UBE2J2: variants seen among roughly 807,000 people sequenced by gnomAD.
The protein encoded by UBE2J2 is ubiquitin-conjugating enzyme E2 J2.
In UBE2J2, 5 loss-of-function variants were observed where a neutral mutation model predicts 28.6. The observed-to-expected ratio is 0.17, with a 90% CI of 0.09 to 0.37. The LOEUF is 0.37. Among genes scored for constraint, UBE2J2 ranks in the 10% least tolerant of loss-of-function variants. The pLI, the probability that UBE2J2 is intolerant of heterozygous loss-of-function variation, is 1.00. For synonymous variants in UBE2J2, 138 were observed against 139.7 expected, an observed-to-expected ratio of 0.99 and a Z score of 0.09; for missense variants, 226 against 338.9, an observed-to-expected ratio of 0.67 and a Z score of 2.62.
In UBE2J2 at chr1:1,263,361, T is replaced by C. The variant is rs1306857293; in HGVS notation, c.157A>G (p.Met53Val). The stretch of plus-strand genomic sequence containing the variant: ...GAATCCTTACCTTCATAAGGGGTCA[T>C]CTCTGGGCCTCGGACGACATAGTGC... ...EWHYVVRGPE[M>V]TPYEGGYYHG... Residue 53 changes from methionine to valine, a missense_variant, in exon 3 of 7, where the codon ATG becomes GTG. By Grantham distance (21) the Met-to-Val change is conservative. Transcript: ENST00000349431. The C allele has an allele frequency of 3.1e-6, 5 of 1,613,464 alleles. No homozygotes were observed. The highest frequency in any genetic ancestry group is 2.7e-5 in the African/African-American group (2 of 74,914).
chr1:1,270,659 T>C (rs1269982568), intron 1 of UBE2J2, among the ~76,000 whole-genome samples: 1 of 152,102 alleles, frequency 6.6e-6, no homozygotes, highest in East Asian at 1.9e-4. Flanking sequence ...AGGTCTGAGC[T>C]TCTAGTCTCT....
At chr1:1,272,145 G>T (rs1160997802) in intron 1 of UBE2J2, among the ~76,000 whole-genome samples, 1 of 151,558 alleles carries the variant, frequency 6.6e-6, no homozygotes, top group Non-Finnish European at 1.5e-5. Flanking sequence ...CAGAGACCCT[G>T]TATCAAAAAA....
At chr1:1,262,432 G>A (rs927482491) in intron 3 of UBE2J2, 4 of 408,590 alleles carry the variant, frequency 9.8e-6, no homozygotes, top group Middle Eastern at 3.5e-4. Context: ...GTGTTAACTC[G>A]GCCAAAATGC....
At chr1:1,273,450 T>C (rs1207063132) in intron 1 of UBE2J2, 2 of 149,140 alleles carry the variant, frequency 1.3e-5, no homozygotes, top group Non-Finnish European at 3.0e-5. Context: ...AGTGGTCAAG[T>C]CCCCGACATG....
chr1:1,267,527 C>G (rs1316187736), intron 2 of UBE2J2, among the ~76,000 whole-genome samples: 2 of 152,208 alleles, frequency 1.3e-5, no homozygotes, highest in East Asian at 3.9e-4. Flanking sequence ...CCCTGCATAC[C>G]TGGACCCCTC....
intron 1 of UBE2J2, among the ~76,000 whole-genome samples, chr1:1,272,553 C>A (rs1272519361): frequency 1.3e-5 from 2 of 152,198 alleles, no homozygotes; most frequent in South Asian, 4.1e-4. Flanking sequence ...GCTCCGGAGG[C>A]TGGACGGAAG....
chr1:1,258,657 G>GC (rs976938982), intron 3 of UBE2J2, among the ~76,000 whole-genome samples: 1 of 152,148 alleles, frequency 6.6e-6, no homozygotes, highest in Non-Finnish European at 1.5e-5. Flanking sequence ...GCGCCCAGAC[G>GC]CCCCCATCCA....
chr1:1,255,982 A>C lies in UBE2J2; in HGVS notation c.495+63T>G, dbSNP rs974401577. On this transcript the variant is annotated intron_variant, in intron 6 of 6. Coordinates refer to ENST00000349431, the MANE Select transcript of UBE2J2 (RefSeq NM_058167.3). ...TCAGGACACAGATTTTACTCTTTGG[A>C]AAGAGGTGAAACTCAAGTGTTTTAA... 1.1e-5 allele frequency: 13 copies of C among 1,187,812 alleles called. No individual in the cohort carries two copies. In the African/African-American group the frequency reaches 1.7e-4, roughly 15 times the overall value. 73.6% of individuals were successfully genotyped at this position (1,187,812 alleles called of 1,614,324 possible). A position where few individuals can be genotyped will look rare whatever the true frequency, so the allele number is the denominator to read the frequency against.
At chr1:1,271,343 G>A (rs1640132328) in intron 1 of UBE2J2, among the ~76,000 whole-genome samples, 1 of 152,262 alleles carries the variant, frequency 6.6e-6, no homozygotes, top group Admixed American at 6.5e-5. Context: ...TCACCCTGAA[G>A]CTAACACTCT....
chr1:1,263,948 T>C (rs943492640), intron 2 of UBE2J2, among the ~76,000 whole-genome samples: 1 of 152,178 alleles, frequency 6.6e-6, no homozygotes, highest in Non-Finnish European at 1.5e-5. Context: ...GCTATGATTG[T>C]GCCACCACAT....
At chr1:1,264,769 A>G (rs554059079) in intron 2 of UBE2J2, 2 of 152,598 alleles carry the variant, frequency 1.3e-5, no homozygotes, top group Non-Finnish European at 1.5e-5. Flanking sequence ...TTAGCCAGCC[A>G]TGGTGGCACA....
chr1:1,273,127 T>G (rs1640247266), intron 1 of UBE2J2: 1 of 152,088 alleles, frequency 6.6e-6, no homozygotes, highest in Admixed American at 6.5e-5. Context: ...AACTGGCAGG[T>G]GTGGATGGCG....
At chr1:1,266,250 C>A in intron 2 of UBE2J2, 1 of 1,051,490 alleles carries the variant, frequency 9.5e-7, no homozygotes, top group Non-Finnish European at 1.2e-6. Flanking sequence ...CCTGACCAAG[C>A]CGAAACACAT....
chr1:1,255,959 A>G, intron 6 of UBE2J2, 86 bp downstream of exon 6: 1 of 1,021,012 alleles, frequency 9.8e-7, no homozygotes, highest in Non-Finnish European at 1.5e-6. Context: ...CTGCAGCTTC[A>G]GGACACAGAT....
chr1:1,273,501 C>G (rs942890003), intron 1 of UBE2J2, 165 bp downstream of exon 1: 2 of 152,152 alleles, frequency 1.3e-5, no homozygotes. Flanking sequence ...TAACCGACCT[C>G]GGGTTCCGCG....
rs1639147567 is a variant in UBE2J2, at chr1:1,255,903, C to A, written c.495+142G>T. ...CCCAGAGCCCAGGCTTTCTGCCTCC[C>A]CTGCCTCGGGGCTCCTGGGGGAGAG... On this transcript the variant is annotated intron_variant, in intron 6 of 6. Transcript: ENST00000349431. 6.4e-5 allele frequency: 45 copies of A among 705,692 alleles called. 1 individual carries two copies. The South Asian group carries it at 6.9e-4, about 11-fold the overall frequency. 43.7% of individuals were successfully genotyped at this position (705,692 alleles called of 1,614,324 possible).
At chr1:1,257,181 C>A (rs370757355) in intron 4 of UBE2J2, 27 bp downstream of exon 4, 1 of 1,601,734 alleles carries the variant, frequency 6.2e-7, no homozygotes, top group Non-Finnish European at 8.5e-7. Flanking sequence ...AGCCAGAAAG[C>A]CTCCGCGGCC....
intron 5 of UBE2J2, among the ~76,000 whole-genome samples, chr1:1,256,776 C>T (rs1222635433): frequency 6.6e-6 from 1 of 150,918 alleles, no homozygotes; most frequent in East Asian, 2.0e-4. Flanking sequence ...GTCCCAGCTA[C>T]TTGGGAGGCT....
chr1:1,272,470 GAC>G (rs1262097082), intron 1 of UBE2J2, among the ~76,000 whole-genome samples: 1 of 152,182 alleles, frequency 6.6e-6, no homozygotes, highest in Non-Finnish European at 1.5e-5. Context: ...ACCTTGGCCT[GAC>G]CCATCGGCCA....
Sources: allele counts gnomAD v4.1 joint callset (sites outside exome capture counted in the v4.1 genomes callset), GRCh38; gene constraint gnomAD v4.1.1; transcripts MANE v1.5; gene names NCBI Gene and HGNC (gene_info 2026-07-23, HGNC 2026-07-21).